Variants in TTC7B observed in about 807,000 individuals in gnomAD.
TTC7B encodes the protein tetratricopeptide repeat domain 7B.
Under a neutral mutation model 106.8 loss-of-function variants are expected in TTC7B, and 28 were observed. The ratio of observed to expected loss-of-function variants is 0.26; its 90% CI spans 0.19 to 0.36. The LOEUF is 0.36. TTC7B is among the 10% of genes least tolerant of loss of function. The probability of loss-of-function intolerance (pLI) is 1.00; values close to 1 mark genes in which losing one functional copy is unlikely to be tolerated. For missense variants in TTC7B, 862 were observed against 1,076.4 expected (o/e 0.80, Z 2.79); for synonymous variants, 405 against 430.6 (o/e 0.94, Z 0.74).
chr14:90,564,413 C>T (rs887716927), intron 19 of TTC7B, among the ~76,000 whole-genome samples: 3 of 152,112 alleles, frequency 2.0e-5, no homozygotes, highest in South Asian at 2.1e-4. Context: ...GAGTCAATTT[C>T]GCATAATTCT....
intron 3 of TTC7B, among the ~76,000 whole-genome samples, chr14:90,758,420 A>G (rs1361098690): frequency 8.9e-5 from 7 of 79,052 alleles, no homozygotes; most frequent in Non-Finnish European, 1.5e-4. Flanking sequence ...GGTCGGGGAC[A>G]GCAGTGAGCG....
chr14:90,615,481 CTCAGTTTTCATTTTATTT>C (rs1397775011), intron 16 of TTC7B, among the ~76,000 whole-genome samples: 2 of 152,220 alleles, frequency 1.3e-5, no homozygotes, highest in African/African-American at 2.4e-5. Flanking sequence ...ATGCTTTCTG[CTCAGTTTTCATTTTATTT>C]TAAAGAAGCC....
intron 3 of TTC7B, among the ~76,000 whole-genome samples, chr14:90,775,867 TC>T (rs1457961898): frequency 6.6e-6 from 1 of 152,044 alleles, no homozygotes; most frequent in African/African-American, 2.4e-5. Context: ...AGAAGTTAAT[TC>T]CCCTGCTGTT....
At chr14:90,580,259 T>G (rs1891434178) in intron 18 of TTC7B, among the ~76,000 whole-genome samples, 1 of 152,244 alleles carries the variant, frequency 6.6e-6, no homozygotes, top group Non-Finnish European at 1.5e-5. Flanking sequence ...ACAACAGCAG[T>G]AGCTGACACT....
intron 14 of TTC7B, chr14:90,644,981 A>T (rs1313399017): frequency 6.6e-6 from 1 of 152,258 alleles, no homozygotes; most frequent in Non-Finnish European, 1.5e-5. Flanking sequence ...AAGGGTTGAT[A>T]AAATACACAC....
intron 10 of TTC7B, 162 bp downstream of exon 10, chr14:90,658,142 A>G (rs1886027010): frequency 1.6e-6 from 1 of 636,298 alleles, no homozygotes. Context: ...GGCTCCCCAA[A>G]CAATTAAATC....
chr14:90,754,465 G>A (rs1181439424), intron 3 of TTC7B, among the ~76,000 whole-genome samples: 2 of 152,148 alleles, frequency 1.3e-5, no homozygotes, highest in African/African-American at 4.8e-5. Flanking sequence ...CAGTAACTCT[G>A]ATTATTATTA....
Position 90,695,519 on chromosome 14 carries a change from G to A in TTC7B, c.758C>T (p.Thr253Met), listed in dbSNP as rs368079881. The A allele has an allele frequency of 1.3e-5, 20 of 1,595,444 alleles. No homozygotes were observed. Among genetic ancestry groups the A allele is most frequent in the African/African-American group, 6.7e-5 (5 of 74,338 alleles). The stretch of plus-strand genomic sequence containing the variant: ...ACTTACCATTCGCAGGTTTTGAGTC[G>A]TTCTTGTTTCAACTGCTCTGAGAAG... The part of the protein sequence containing the change: ...RELLRAVETR[T>M]TQNLRMTIAR... Residue 253 changes from threonine (T) to methionine (M), a missense_variant, in exon 6 of 20, where the codon ACG (threonine) becomes ATG (methionine). Physicochemically the swap from Thr to Met is moderately conservative, Grantham distance 81. Transcript: ENST00000328459.
chr14:90,778,894 T>A (rs183296902), intron 3 of TTC7B, among the ~76,000 whole-genome samples: 32 of 152,310 alleles, frequency 2.1e-4, no homozygotes, highest in African/African-American at 7.2e-4. Context: ...ATCACCCCCT[T>A]CACAAAGCTC....
chr14:90,798,732 A>AG (rs869302614), intron 1 of TTC7B, among the ~76,000 whole-genome samples: 1 of 147,006 alleles, frequency 6.8e-6, no homozygotes, highest in Non-Finnish European at 1.5e-5. Context: ...AAAAAAAAAA[A>AG]CACGCAATAA....
chr14:90,801,745 G>A (rs2030281456), intron 1 of TTC7B, among the ~76,000 whole-genome samples: 2 of 152,270 alleles, frequency 1.3e-5, no homozygotes, highest in Non-Finnish European at 2.9e-5. Context: ...GGAAAGAGGG[G>A]TATTTGAGTG....
At chr14:90,706,623 T>C (rs1888222587) in intron 5 of TTC7B, among the ~76,000 whole-genome samples, 1 of 152,238 alleles carries the variant, frequency 6.6e-6, no homozygotes, top group Non-Finnish European at 1.5e-5. Context: ...ATTGCAATTT[T>C]TACCCTTCTT....
chr14:90,716,052 C>T (rs184904514), intron 5 of TTC7B, among the ~76,000 whole-genome samples: 8 of 152,246 alleles, frequency 5.3e-5, no homozygotes, highest in Admixed American at 2.0e-4. Context: ...TGTTCAGGTC[C>T]GTCACGATAG....
Position 90,808,747 on chromosome 14 carries a change from C to T in TTC7B, c.121+7428G>A, listed in dbSNP as rs1168385009. On this transcript the variant is annotated intron_variant, in intron 1 of 19. Transcript: ENST00000328459. The surrounding 1 kb of genome is among the most constrained non-coding windows in gnomAD (Gnocchi z 4.2). Reference sequence around the variant, plus strand: ...CTTCCTGGGCTTCCCAGGTGGGAGACACTGGCTTTCACGCATGTCAAAGGC... The same window carrying T: ...CTTCCTGGGCTTCCCAGGTGGGAGATACTGGCTTTCACGCATGTCAAAGGC... Among the ~76,000 whole-genome samples the T allele has an allele frequency of 6.6e-6, 1 of 152,216 alleles. No individual in the cohort carries two copies. Among genetic ancestry groups the T allele is most frequent in the African/African-American group, 2.4e-5 (1 of 41,436 alleles).
chr14:90,690,959 A>G (rs1406034885), intron 6 of TTC7B, among the ~76,000 whole-genome samples: 2 of 152,204 alleles, frequency 1.3e-5, no homozygotes, highest in Non-Finnish European at 2.9e-5. Context: ...GTCTATAAAA[A>G]TGTGAAATTA....
intron 19 of TTC7B, among the ~76,000 whole-genome samples, chr14:90,554,631 T>C (rs915116490): frequency 1.3e-5 from 2 of 152,084 alleles, no homozygotes; most frequent in East Asian, 3.9e-4. Context: ...GAGGGGCTGG[T>C]TTGCTGTGGG....
chr14:90,811,232 G>C (rs2030885554), intron 1 of TTC7B, among the ~76,000 whole-genome samples: 1 of 152,240 alleles, frequency 6.6e-6, no homozygotes, highest in South Asian at 2.1e-4. Flanking sequence ...AGAGGACAGA[G>C]TGTTTGAAAG....
intron 9 of TTC7B, among the ~76,000 whole-genome samples, chr14:90,662,171 G>A (rs576314059): frequency 1.2e-3 from 185 of 152,360 alleles, no homozygotes; most frequent in African/African-American, 4.2e-3. Flanking sequence ...GAAGAGAAGC[G>A]ATAGGAATGT....
chr14:90,774,054 A>G (rs1019627907), intron 3 of TTC7B, among the ~76,000 whole-genome samples: 5 of 152,364 alleles, frequency 3.3e-5, no homozygotes, highest in Admixed American at 3.3e-4. Context: ...TGTCATGGAC[A>G]CTGGACACTG....
Sources: allele counts gnomAD v4.1 joint callset (sites outside exome capture counted in the v4.1 genomes callset), GRCh38; gene constraint gnomAD v4.1.1; non-coding constraint Gnocchi (gnomAD v3.1); transcripts MANE v1.5; gene names NCBI Gene and HGNC (gene_info 2026-07-23, HGNC 2026-07-21).